The following PHYHD1 variants were observed in gnomAD, a reference collection of about 807,000 sequenced individuals.
PHYHD1 encodes phytanoyl-CoA dioxygenase domain containing 1, also known as phytanoyl-CoA dioxygenase domain-containing protein 1.
In PHYHD1, 42 loss-of-function variants were observed where a neutral mutation model predicts 43.6. That is an observed-to-expected ratio of 0.96 (90% CI 0.75 to 1.25). The LOEUF (loss-of-function observed/expected upper bound fraction) is 1.25. PHYHD1 is among the 50% of genes most tolerant of loss of function. The pLI is 0.00. For synonymous variants in PHYHD1, 139 were observed against 143.6 expected (o/e 0.97, Z 0.23); for missense variants, 342 against 370.8 (o/e 0.92, Z 0.64).
intron 4 of PHYHD1, among the ~76,000 whole-genome samples, chr9:128,931,677 A>T (rs970540580): frequency 1.3e-5 from 2 of 151,974 alleles, no homozygotes; most frequent in Admixed American, 1.3e-4. Flanking sequence ...GGCGCCCGCC[A>T]CCACACCCGG....
intron 6 of PHYHD1, 110 bp downstream of exon 6, chr9:128,934,168 A>C: frequency 8.4e-7 from 1 of 1,189,454 alleles, no homozygotes; most frequent in Admixed American, 2.2e-5. Context: ...TGGGCAGATC[A>C]CTTGAAGTCA....
intron 6 of PHYHD1, 133 bp from the exon 7 acceptor site, chr9:128,936,314 TA>T: frequency 8.0e-7 from 1 of 1,255,976 alleles, no homozygotes; most frequent in Non-Finnish European, 1.1e-6. Context: ...TACTCAGTTG[TA>T]AACAAGCAGA....
intron 4 of PHYHD1, among the ~76,000 whole-genome samples, chr9:128,931,268 C>T (rs998657718): frequency 6.6e-6 from 1 of 152,110 alleles, no homozygotes; most frequent in African/African-American, 2.4e-5. Context: ...TGTGCCACCA[C>T]GTCCTGCTAA....
intron 4 of PHYHD1, among the ~76,000 whole-genome samples, chr9:128,932,175 A>ATTTTTT (rs1164525938): frequency 1.3e-4 from 14 of 107,094 alleles, no homozygotes; most frequent in African/African-American, 3.1e-4. Flanking sequence ...TATTGTTATT[A>ATTTTTT]TTATTATTAT....
chr9:128,932,084 C>T (rs1292610087), intron 4 of PHYHD1, among the ~76,000 whole-genome samples: 1 of 151,666 alleles, frequency 6.6e-6, no homozygotes, highest in African/African-American at 2.4e-5. Flanking sequence ...ATCTGCCCAC[C>T]TCAGCCTCCC....
intron 8 of PHYHD1, 95 bp from the exon 9 acceptor site, chr9:128,937,662 C>T: frequency 6.3e-6 from 9 of 1,435,984 alleles, no homozygotes; most frequent in Non-Finnish European, 8.8e-6. Flanking sequence ...GAGGAAAATG[C>T]CTGTGGCCAG....
intron 9 of PHYHD1, chr9:128,938,004 G>A: frequency 7.1e-7 from 1 of 1,401,390 alleles, no homozygotes; most frequent in Non-Finnish European, 9.3e-7. Context: ...ACCCCAGCTG[G>A]TTAAAAATAT....
chr9:128,936,931 A>T (rs994412342), intron 8 of PHYHD1, among the ~76,000 whole-genome samples: 1 of 151,942 alleles, frequency 6.6e-6, no homozygotes, highest in East Asian at 1.9e-4. Context: ...CCTGGCCAAC[A>T]TGGAGAAACC....
intron 6 of PHYHD1, among the ~76,000 whole-genome samples, chr9:128,935,721 G>T (rs895750328): frequency 1.3e-5 from 2 of 152,202 alleles, no homozygotes. Context: ...GGCCAATATG[G>T]TGAAAAACCA....
At chr9:128,939,817 G>A (rs1259287262) in intron 9 of PHYHD1, among the ~76,000 whole-genome samples, 2 of 100,362 alleles carry the variant, frequency 2.0e-5, no homozygotes, top group African/African-American at 5.6e-5. Flanking sequence ...ACCACACATG[G>A]CTAATTTTTG....
chr9:128,922,450 A>C, intron 3 of PHYHD1, 94 bp downstream of exon 3: 1 of 1,441,970 alleles, frequency 6.9e-7, no homozygotes, highest in Non-Finnish European at 9.3e-7. Flanking sequence ...CCCCTGCCCC[A>C]TTTTACCGAG....
intron 4 of PHYHD1, among the ~76,000 whole-genome samples, chr9:128,931,151 A>C (rs1841265953): frequency 6.6e-6 from 1 of 152,090 alleles, no homozygotes; most frequent in Non-Finnish European, 1.5e-5. Flanking sequence ...CGCTCCTGTC[A>C]TGCAGGCTGG....
At chr9:128,941,370 G>A in intron 11 of PHYHD1, 75 bp from the exon 12 acceptor site, 1 of 1,572,502 alleles carries the variant, frequency 6.4e-7, no homozygotes. Context: ...AAGGAGGAGG[G>A]CCCATGTCCC....
At chr9:128,934,660 T>C (rs1841380990) in intron 6 of PHYHD1, among the ~76,000 whole-genome samples, 2 of 150,636 alleles carry the variant, frequency 1.3e-5, no homozygotes, top group Non-Finnish European at 2.9e-5. Flanking sequence ...CCCAGCTACT[T>C]GGGAGGCTGA....
chr9:128,940,255 A>G, intron 9 of PHYHD1, 114 bp from the exon 10 acceptor site: 1 of 1,473,202 alleles, frequency 6.8e-7, no homozygotes, highest in Non-Finnish European at 9.2e-7. Flanking sequence ...CTAACTGATC[A>G]TGGGAAGGCT....
In PHYHD1 at chr9:128,941,432, G is replaced by T; in HGVS notation, c.704-13G>T. 6.2e-7 allele frequency: 1 copy of T among 1,612,384 alleles called. No individual in the cohort carries two copies. ...GGGCTGGTAGGTTCCTGACCTGCTT[G>T]TGTCTCTGCCAGGGGCCCTGGTCCT... is the stretch of plus-strand genomic sequence containing the variant. On this transcript the variant is annotated splice_polypyrimidine_tract_variant and intron_variant, in intron 11 of 12. Transcript: ENST00000372592.
At chr9:128,937,056 A>C (rs1283815374) in intron 8 of PHYHD1, among the ~76,000 whole-genome samples, 1 of 152,052 alleles carries the variant, frequency 6.6e-6, no homozygotes, top group East Asian at 1.9e-4. Context: ...TGGAGGTTAC[A>C]GTGAGTGGAG....
intron 3 of PHYHD1, among the ~76,000 whole-genome samples, chr9:128,925,333 C>A (rs780949986): frequency 6.6e-6 from 1 of 150,738 alleles, no homozygotes; most frequent in African/African-American, 2.4e-5. Context: ...TCAAATGATT[C>A]TCCTGCCTCA....
Position 128,941,511 on chromosome 9 carries a change from G to A in PHYHD1, c.770G>A (p.Arg257His), listed in dbSNP as rs149155130. The A allele has an allele frequency of 4.3e-5, 70 of 1,613,988 alleles. No individual in the cohort carries two copies. Among genetic ancestry groups the A allele is most frequent in the African/African-American group, 1.7e-4 (13 of 74,988 alleles). Residue 257 changes from arginine to histidine, a missense_variant, in exon 12 of 13, where the codon CGC (arginine) becomes CAC (histidine). Coordinates refer to ENST00000372592, the MANE Select transcript of PHYHD1 (RefSeq NM_001100876.2). The stretch of plus-strand genomic sequence containing the variant: ...AAGCAGAACCTCTCTGACCGCTCGC[G>A]CCAGGCCTACACTTTCCACCTCATG... The part of the protein sequence containing the change: ...KSKQNLSDRS[R>H]QAYTFHLMEA...
Sources: gnomAD v4.1 joint callset for allele counts (sites outside exome capture counted in the v4.1 genomes callset) on GRCh38, gnomAD v4.1.1 for gene constraint, MANE v1.5 for transcripts, NCBI Gene and HGNC (gene_info 2026-07-23, HGNC 2026-07-21) for gene names.